ZNF771: variants seen among roughly 807,000 people sequenced by gnomAD.
ZNF771 encodes zinc finger protein 771.
Under a neutral mutation model 27.6 loss-of-function variants are expected in ZNF771, and 10 were observed. The observed-to-expected ratio is 0.36, with a 90% CI of 0.22 to 0.61. The LOEUF is 0.61. Ranked by LOEUF, ZNF771 falls within the 20% of genes least tolerant of loss-of-function variation. The pLI is 0.70. For missense variants in ZNF771, 438 were observed against 503.7 expected (o/e 0.87, Z 1.25); for synonymous variants, 261 against 225.2 (o/e 1.16, Z -1.43).
intron 2 of ZNF771, 113 bp from the exon 3 acceptor site, chr16:30,417,442 T>G: frequency 1.4e-6 from 1 of 696,778 alleles, no homozygotes; most frequent in South Asian, 7.3e-5. Context: ...CCGTGGCCTT[T>G]CCTATTTCAT....
chr16:30,415,177 T>G (rs1459877907), intron 2 of ZNF771, among the ~76,000 whole-genome samples: 2 of 151,032 alleles, frequency 1.3e-5, no homozygotes, highest in Admixed American at 6.6e-5. Flanking sequence ...AGGCTGGTCT[T>G]GAACTCCTGA....
intron 2 of ZNF771, among the ~76,000 whole-genome samples, chr16:30,416,594 G>A (rs1296310354): frequency 9.2e-5 from 14 of 152,178 alleles, no homozygotes; most frequent in African/African-American, 3.1e-4. Context: ...TGTCACCTGG[G>A]TATGAGCCAC....
At position 30,408,050 on chromosome 16, in the gene ZNF771, C is replaced by T. The variant is rs755696204; in HGVS notation, c.-4C>T. The T allele has an allele frequency of 3.8e-6, 6 of 1,578,424 alleles. No homozygotes were observed. The highest frequency in any genetic ancestry group is 2.1e-4 in the Middle Eastern group (1 of 4,752). ...GATCCAGCTCCCCGCCTCAGGACAC[C>T]AAGATGCCTGGCGAACAGCAGGCAG... On this transcript the variant is annotated 5_prime_UTR_variant, in exon 2 of 3. Transcript: ENST00000319296.
At chr16:30,412,285 G>A (rs531548723) in intron 2 of ZNF771, among the ~76,000 whole-genome samples, 2 of 152,284 alleles carry the variant, frequency 1.3e-5, no homozygotes, top group East Asian at 3.9e-4. Context: ...GTAAAATCTG[G>A]AGTGGGATTT....
Position 30,417,967 on chromosome 16 carries a change from G to A in ZNF771, c.554G>A (p.Gly185Asp). 1 of 1,492,340 alleles carries A rather than the reference G, an allele frequency of 6.7e-7. No homozygotes were observed. The highest frequency in any genetic ancestry group is 8.8e-7 in the Non-Finnish European group (1 of 1,130,874). 92.4% of individuals were successfully genotyped at this position (1,492,340 alleles called of 1,614,324 possible). The change falls in exon 3 of 3, where the codon GGC becomes GAC. Residue 185 changes from glycine (G) to aspartate (D), a missense_variant. Physicochemically the swap from Gly to Asp is moderately conservative, Grantham distance 94 (BLOSUM62 -1). Around this residue, in one of 3 missense-constraint regions of ZNF771, gnomAD observed 305 missense variants for 308.0 expected, o/e 0.99. Transcript: ENST00000319296. ...YACPDCGRAF[G>D]GSSCLARHRR... is the part of the protein sequence containing the mutation. ...TGCCCGGACTGCGGACGCGCCTTTG[G>A]CGGCAGCTCGTGCCTGGCGCGCCAC...
Position 30,417,617 on chromosome 16 carries a change from C to A in ZNF771, c.204C>A (p.Cys68Ter). ...CGCGTCCCCACGCGTGCCCCGACTG[C>A]GGCCGCGCCTTCGCGCGCCGCTCCA... Reference protein sequence around the residue: ...DPARPHACPDCGRAFARRSTL... With the variant: ...DPARPHACPD Residue 68 changes from cysteine to a stop codon, truncating the protein, a stop_gained, in exon 3 of 3, where the codon TGC becomes TGA. Transcript: ENST00000319296. LOFTEE classifies it high-confidence loss of function. 1 of 1,319,106 alleles carries A rather than the reference C, an allele frequency of 7.6e-7. No homozygotes were observed. Among genetic ancestry groups the A allele is most frequent in the African/African-American group, 1.5e-5 (1 of 64,756 alleles). 81.7% of individuals were successfully genotyped at this position (1,319,106 alleles called of 1,614,324 possible).
intron 2 of ZNF771, among the ~76,000 whole-genome samples, chr16:30,411,747 G>A (rs1204294771): frequency 3.3e-5 from 5 of 152,120 alleles, no homozygotes; most frequent in African/African-American, 7.2e-5. Context: ...GTGCTCGATC[G>A]TTAGCTTGCT....
intron 2 of ZNF771, among the ~76,000 whole-genome samples, chr16:30,412,247 G>T (rs1170301153): frequency 6.6e-6 from 1 of 152,164 alleles, no homozygotes; most frequent in African/African-American, 2.4e-5. Context: ...TCACCCAGGG[G>T]TCTTGTTAAA....
intron 2 of ZNF771, among the ~76,000 whole-genome samples, chr16:30,410,105 CT>C (rs912511119): frequency 0.018 from 2,507 of 143,048 alleles, 57 homozygotes; most frequent in African/African-American, 0.052. Flanking sequence ...GATTTTTCAA[CT>C]TTTTTTTTTT....
At chr16:30,410,594 C>T (rs957980033) in intron 2 of ZNF771, among the ~76,000 whole-genome samples, 1 of 151,698 alleles carries the variant, frequency 6.6e-6, no homozygotes, top group African/African-American at 2.4e-5. Flanking sequence ...GAAGGGCATT[C>T]CAGGAGGAGG....
intron 2 of ZNF771, among the ~76,000 whole-genome samples, chr16:30,415,617 G>A (rs1187330032): frequency 1.3e-5 from 2 of 151,970 alleles, no homozygotes; most frequent in Non-Finnish European, 2.9e-5. Context: ...TCCTGACCTC[G>A]TGATCCACCT....
Position 30,417,762 on chromosome 16 carries a change from C to T in ZNF771, c.349C>T (p.Arg117Trp). ...ACACGGCCGCACGCACACGGGCGAGCGGCCCTACGAGTGCCCCGAGTGCGA... is the reference window on the plus strand; with the variant it reads ...ACACGGCCGCACGCACACGGGCGAGTGGCCCTACGAGTGCCCCGAGTGCGA... Reference protein sequence around the residue: ...TKHGRTHTGERPYECPECDKR... With the variant: ...TKHGRTHTGEWPYECPECDKR... The change falls in exon 3 of 3, where the codon CGG (arginine) becomes TGG (tryptophan). Residue 117 changes from arginine to tryptophan, a missense_variant. Arg to Trp is a moderately radical substitution (Grantham distance 101). Transcript: ENST00000319296. The T allele has an allele frequency of 1.4e-6, 2 of 1,427,206 alleles. No individual in the cohort carries two copies. The highest frequency in any genetic ancestry group is 1.8e-6 in the Non-Finnish European group (2 of 1,097,282). The allele number at this position is 1,427,206 out of a possible 1,614,324, so 88.4% of individuals were successfully genotyped here.
chr16:30,408,344 C>A, intron 2 of ZNF771, 150 bp downstream of exon 2: 2 of 1,107,114 alleles, frequency 1.8e-6, no homozygotes, highest in Non-Finnish European at 2.6e-6. Context: ...GCCCTACTGC[C>A]TGGGCTTCCA....
chr16:30,418,209 C>T lies in ZNF771; in HGVS notation c.796C>T (p.Arg266Cys). Residue 266 changes from arginine to cysteine, a missense_variant, in exon 3 of 3, where the codon CGC becomes TGC. By Grantham distance (180) the Arg-to-Cys change is radical. Around this residue, in one of 3 missense-constraint regions of ZNF771, gnomAD observed 305 missense variants for 308.0 expected, o/e 0.99. Transcript: ENST00000319296. ...ERPYPCAECG[R>C]RFRLSSHFIR... ...GCCCTACCCCTGCGCCGAGTGCGGC[C>T]GCCGCTTCCGCCTAAGCTCGCACTT... 6.6e-7 allele frequency: 1 copy of T among 1,506,446 alleles called. No homozygotes were observed. Among genetic ancestry groups the T allele is most frequent in the Non-Finnish European group, 8.8e-7 (1 of 1,134,274 alleles). The allele number at this position is 1,506,446 out of a possible 1,614,324, so 93.3% of individuals were successfully genotyped here. A position where few individuals can be genotyped will look rare whatever the true frequency, so the allele number is the denominator to read the frequency against.
intron 2 of ZNF771, among the ~76,000 whole-genome samples, chr16:30,411,284 A>C (rs1597030467): frequency 1.3e-5 from 2 of 151,322 alleles, no homozygotes; most frequent in South Asian, 4.2e-4. Flanking sequence ...GCACCGCTGC[A>C]CTCCAGCCTG....
At chr16:30,417,039 C>T (rs932866040) in intron 2 of ZNF771, among the ~76,000 whole-genome samples, 2 of 151,484 alleles carry the variant, frequency 1.3e-5, no homozygotes, top group African/African-American at 4.8e-5. Context: ...ACCAATTTTT[C>T]TTGCCATTTC....
Position 30,417,588 on chromosome 16 carries a change from C to A in ZNF771, c.175C>A (p.Pro59Thr). The A allele has an allele frequency of 2.4e-6, 3 of 1,235,164 alleles. No homozygotes were observed. The highest frequency in any genetic ancestry group is 3.0e-6 in the Non-Finnish European group (3 of 992,026). 76.5% of individuals were successfully genotyped at this position (1,235,164 alleles called of 1,614,324 possible). A position where few individuals can be genotyped will look rare whatever the true frequency, so the allele number is the denominator to read the frequency against. The change falls in exon 3 of 3, where the codon CCG (proline) becomes ACG (threonine). Residue 59 changes from proline (P) to threonine (T), a missense_variant. Pro to Thr is a conservative substitution (Grantham distance 38). Around this residue, in one of 3 missense-constraint regions of ZNF771, gnomAD observed 84 missense variants for 89.2 expected, o/e 0.94. Transcript: ENST00000319296. The part of the protein sequence containing the change: ...PGEAPAPSAD[P>T]ARPHACPDCG... ...CGAGGCGCCCGCGCCGTCCGCCGAC[C>A]CGGCGCGTCCCCACGCGTGCCCCGA... is the stretch of plus-strand genomic sequence containing the variant.
At chr16:30,407,685 C>T (rs1255892455) in intron 1 of ZNF771, 21 bp downstream of exon 1, 3 of 171,650 alleles carry the variant, frequency 1.7e-5, no homozygotes, top group African/African-American at 7.2e-5. Flanking sequence ...ACCCCCTCCC[C>T]GGGGTTTCCG....
chr16:30,418,284 G>A lies in ZNF771; in HGVS notation c.871G>A (p.Gly291Ser). ...HMRRRLYICA[G>S]CGRDFKLPPG... ...GCGGCGCCGCCTGTATATTTGCGCCGGCTGCGGCAGGGACTTCAAGCTGCC... is the reference window on the plus strand; with the variant it reads ...GCGGCGCCGCCTGTATATTTGCGCCAGCTGCGGCAGGGACTTCAAGCTGCC... The change falls in exon 3 of 3, where the codon GGC becomes AGC. Residue 291 changes from glycine to serine, a missense_variant. By Grantham distance (56) the Gly-to-Ser change is moderately conservative (BLOSUM62 0). This residue lies in a region of ZNF771 where 305 missense variants were observed against 308.0 expected (regional missense o/e 0.99). Coordinates refer to ENST00000319296, the MANE Select transcript of ZNF771 (RefSeq NM_001142305.2). 6.6e-7 allele frequency: 1 copy of A among 1,507,222 alleles called. No homozygotes were observed. Among genetic ancestry groups the A allele is most frequent in the Non-Finnish European group, 8.8e-7 (1 of 1,134,226 alleles). The allele number at this position is 1,507,222 out of a possible 1,614,324, so 93.4% of individuals were successfully genotyped here. A position where few individuals can be genotyped will look rare whatever the true frequency, so the allele number is the denominator to read the frequency against.
Sources: allele counts gnomAD v4.1 joint callset (sites outside exome capture counted in the v4.1 genomes callset), GRCh38; gene constraint gnomAD v4.1.1; regional missense constraint gnomAD v4.1.1; transcripts MANE v1.5; gene names NCBI Gene and HGNC (gene_info 2026-07-23, HGNC 2026-07-21).